ZNF423: variants seen among roughly 807,000 people sequenced by gnomAD.
ZNF423 encodes zinc finger protein 423.
ZNF423 carries 12 observed loss-of-function variants against 95.8 expected under a neutral mutation model. The observed-to-expected ratio is 0.13, with a 90% CI of 0.08 to 0.20. The LOEUF is 0.20. ZNF423 is among the 10% of genes least tolerant of loss of function. The pLI is 1.00. For missense variants in ZNF423, 1,316 were observed against 1,737.1 expected, an observed-to-expected ratio of 0.76 and a Z score of 4.31; for synonymous variants, 749 against 711.9, an observed-to-expected ratio of 1.05 and a Z score of -0.83.
At chr16:49,741,328 C>T (rs550882881) in intron 2 of ZNF423, among the ~76,000 whole-genome samples, 1 of 151,962 alleles carries the variant, frequency 6.6e-6, no homozygotes, top group East Asian at 1.9e-4. Flanking sequence ...AACCCTGTCT[C>T]TACTAAAAAT....
chr16:49,677,277 A>AGAAGAGAAGAGAAGAGAAGGGAAGG (rs2031116779), intron 3 of ZNF423, among the ~76,000 whole-genome samples: 4 of 77,544 alleles, frequency 5.2e-5, no homozygotes, highest in South Asian at 7.4e-4. Context: ...AGAAGAGAAG[A>AGAAGAGAAGAGAAGAGAAGGGAAGG]GAAGAGAAGA....
chr16:49,743,963 T>C (rs1445223928), intron 2 of ZNF423, among the ~76,000 whole-genome samples: 1 of 151,788 alleles, frequency 6.6e-6, no homozygotes, highest in Non-Finnish European at 1.5e-5. Flanking sequence ...AGGAGTACAC[T>C]CAGATTCCAA....
At chr16:49,520,869 T>C (rs1341761249) in intron 7 of ZNF423, among the ~76,000 whole-genome samples, 1 of 152,254 alleles carries the variant, frequency 6.6e-6, no homozygotes, top group Non-Finnish European at 1.5e-5. Flanking sequence ...ATTATTTGCA[T>C]AGATTTGGCA....
chr16:49,539,226 C>T lies in ZNF423; in HGVS notation c.3602-13732G>A, dbSNP rs528393557. 2.0e-4 allele frequency among the ~76,000 whole-genome samples: 30 copies of T among 152,294 alleles called. No individual in the cohort carries two copies. The Middle Eastern group carries it at 0.01, about 52-fold the overall frequency. Reference sequence around the variant, plus strand: ...CCAGGTCTCAACACCATCCCAAATGCAGGAACCCAGACATGTGGCTCTGGG... The same window carrying T: ...CCAGGTCTCAACACCATCCCAAATGTAGGAACCCAGACATGTGGCTCTGGG... On this transcript the variant is annotated intron_variant, in intron 5 of 7. Transcript: ENST00000563137.
At chr16:49,663,375 T>C (rs1328219240) in intron 3 of ZNF423, among the ~76,000 whole-genome samples, 2 of 152,092 alleles carry the variant, frequency 1.3e-5, no homozygotes, top group Non-Finnish European at 2.9e-5. Context: ...AACACCCGAT[T>C]ACCACTGAGG....
chr16:49,728,427 G>A (rs1023300131), intron 3 of ZNF423, among the ~76,000 whole-genome samples: 1 of 152,138 alleles, frequency 6.6e-6, no homozygotes, highest in Non-Finnish European at 1.5e-5. Flanking sequence ...GGATTTGGGG[G>A]TATTCCTAGC....
chr16:49,632,235 C>A (rs972140090), intron 4 of ZNF423, among the ~76,000 whole-genome samples: 1 of 152,244 alleles, frequency 6.6e-6, no homozygotes, highest in South Asian at 2.1e-4. Context: ...ACAGCAGCCT[C>A]AGCCCCACAG....
intron 1 of ZNF423, among the ~76,000 whole-genome samples, chr16:49,789,928 G>A (rs1026632851): frequency 1.5e-4 from 23 of 152,090 alleles, no homozygotes; most frequent in African/African-American, 5.3e-4. Flanking sequence ...GACACGCTGA[G>A]GTCAACTCTC....
At chr16:49,776,790 G>A (rs958747085) in intron 2 of ZNF423, among the ~76,000 whole-genome samples, 2 of 152,222 alleles carry the variant, frequency 1.3e-5, no homozygotes, top group African/African-American at 4.8e-5. Flanking sequence ...TGGATGGAAA[G>A]AATGTCTAGG....
At chr16:49,815,900 ATATATATATATATATTTTTTTTTTT>A (rs2034841334) in intron 1 of ZNF423, among the ~76,000 whole-genome samples, 2 of 46,028 alleles carry the variant, frequency 4.3e-5, no homozygotes, top group East Asian at 1.2e-3. Context: ...ATATATATAT[ATATATATATATATATTTTTTTTTTT>A]TTTTTTTTTT....
At chr16:49,752,165 C>T (rs776115695) in intron 2 of ZNF423, among the ~76,000 whole-genome samples, 10 of 152,354 alleles carry the variant, frequency 6.6e-5, no homozygotes, top group Non-Finnish European at 1.2e-4. Flanking sequence ...TCAAAGAATG[C>T]GGGCCACTGT....
At chr16:49,565,118 G>A (rs1324808514) in intron 5 of ZNF423, among the ~76,000 whole-genome samples, 4 of 152,206 alleles carry the variant, frequency 2.6e-5, no homozygotes, top group African/African-American at 4.8e-5. Flanking sequence ...GCTGGTTGCT[G>A]CTTTTAATCT....
intron 1 of ZNF423, among the ~76,000 whole-genome samples, chr16:49,808,584 C>T (rs769840097): frequency 2.6e-5 from 4 of 152,014 alleles, no homozygotes; most frequent in South Asian, 2.1e-4. Context: ...AATGGATCTC[C>T]GGGAACCCAC....
intron 3 of ZNF423, among the ~76,000 whole-genome samples, chr16:49,695,353 C>T (rs2031928793): frequency 2.0e-5 from 3 of 152,228 alleles, no homozygotes; most frequent in Admixed American, 6.5e-5. Flanking sequence ...AGTGCAATGG[C>T]ACAATCTCGG....
intron 3 of ZNF423, among the ~76,000 whole-genome samples, chr16:49,716,809 A>C (rs779551356): frequency 1.8e-4 from 28 of 152,154 alleles, no homozygotes; most frequent in Non-Finnish European, 3.5e-4. Context: ...ACCAGAGGAA[A>C]GTGGAATCCG....
chr16:49,545,184 T>G (rs1176502307), intron 5 of ZNF423, among the ~76,000 whole-genome samples: 4 of 152,324 alleles, frequency 2.6e-5, no homozygotes, highest in Middle Eastern at 3.4e-3. Context: ...TTCTCAGCCA[T>G]GTGAGTAAGC....
chr16:49,826,653 A>C (rs1459875810), intron 1 of ZNF423: 1 of 152,246 alleles, frequency 6.6e-6, no homozygotes, highest in Non-Finnish European at 1.5e-5. Context: ...CCTGGGACGC[A>C]GGAAGGAATC....
chr16:49,750,137 G>A (rs2033606764), intron 2 of ZNF423, among the ~76,000 whole-genome samples: 1 of 152,222 alleles, frequency 6.6e-6, no homozygotes, highest in Admixed American at 6.5e-5. Flanking sequence ...TGCTCGGGGT[G>A]AGTCACATCG....
intron 3 of ZNF423, among the ~76,000 whole-genome samples, chr16:49,674,506 C>G (rs1456805792): frequency 6.6e-6 from 1 of 152,232 alleles, no homozygotes; most frequent in African/African-American, 2.4e-5. Flanking sequence ...AACACAAAAC[C>G]AGTCAGGGCC....
Sources: allele counts gnomAD v4.1 joint callset (sites outside exome capture counted in the v4.1 genomes callset), GRCh38; gene constraint gnomAD v4.1.1; transcripts MANE v1.5; gene names NCBI Gene and HGNC (gene_info 2026-07-23, HGNC 2026-07-21).